Variants in CEP78 observed in about 807,000 individuals in gnomAD.
CEP78 encodes the protein centrosomal protein 78.
A neutral mutation model predicts 81.2 loss-of-function variants in CEP78; 76 were observed. The observed-to-expected ratio is 0.94, with a 90% confidence interval of 0.78 to 1.13. The LOEUF (loss-of-function observed/expected upper bound fraction) is 1.13. Ranked by LOEUF, CEP78 falls within the 50% of genes most tolerant of loss-of-function variation. The probability of loss-of-function intolerance (pLI) is 0.00; values close to 1 mark genes in which losing one functional copy is unlikely to be tolerated. For synonymous variants in CEP78, 293 were observed against 301.4 expected, an observed-to-expected ratio of 0.97 and a Z score of 0.29; for missense variants, 918 against 846.8, an observed-to-expected ratio of 1.08 and a Z score of -1.04.
At chr9:78,255,523 C>G (rs1027332174) in intron 11 of CEP78, among the ~76,000 whole-genome samples, 3 of 152,106 alleles carry the variant, frequency 2.0e-5, no homozygotes, top group Non-Finnish European at 4.4e-5. Flanking sequence ...TGGCGAGGGC[C>G]TGCTTTCTGG....
At chr9:78,238,270 C>T (rs903818048) in intron 1 of CEP78, among the ~76,000 whole-genome samples, 2 of 152,160 alleles carry the variant, frequency 1.3e-5, no homozygotes, top group African/African-American at 2.4e-5. Context: ...CTTTCCATGA[C>T]ACAGCCGAGT....
chr9:78,261,026 C>T (rs891986303), intron 11 of CEP78, among the ~76,000 whole-genome samples: 1 of 152,084 alleles, frequency 6.6e-6, no homozygotes, highest in Admixed American at 6.5e-5. Context: ...TCTCAGCTCA[C>T]TGCAACCTCT....
At chr9:78,266,393 AT>A (rs753192805) in intron 15 of CEP78, 48 bp from the exon 16 acceptor site, 22 of 1,393,906 alleles carry the variant, frequency 1.6e-5, no homozygotes, top group Admixed American at 2.1e-5. Context: ...CGATTTTTAA[AT>A]GGATGGCTTT....
intron 16 of CEP78, among the ~76,000 whole-genome samples, chr9:78,267,952 T>C (rs1827603247): frequency 6.6e-6 from 1 of 152,142 alleles, no homozygotes; most frequent in Admixed American, 6.5e-5. Flanking sequence ...ACTACAATAC[T>C]ACTGAGTTCA....
chr9:78,258,697 G>T (rs1827145618), intron 11 of CEP78, among the ~76,000 whole-genome samples: 2 of 152,166 alleles, frequency 1.3e-5, no homozygotes. Flanking sequence ...TTAAAAAGAA[G>T]AATGGTTGAC....
At chr9:78,259,633 A>G (rs2118406229) in intron 11 of CEP78, among the ~76,000 whole-genome samples, 1 of 152,088 alleles carries the variant, frequency 6.6e-6, no homozygotes, top group South Asian at 2.1e-4. Context: ...TACACCAGGC[A>G]CTCTTCTCAG....
At chr9:78,267,664 G>C (rs1294292554) in intron 16 of CEP78, among the ~76,000 whole-genome samples, 3 of 152,172 alleles carry the variant, frequency 2.0e-5, no homozygotes, top group Non-Finnish European at 2.9e-5. Flanking sequence ...ACTGTTAAGA[G>C]AGGAACCACT....
At chr9:78,266,886 A>G in intron 16 of CEP78, 183 bp downstream of exon 16, 1 of 1,434,868 alleles carries the variant, frequency 7.0e-7, no homozygotes, top group Non-Finnish European at 9.1e-7. Context: ...TAGAATAGTG[A>G]CTGTTTCATC....
At position 78,251,976 on chromosome 9, in the gene CEP78, G is replaced by T. The variant is rs182745565; in HGVS notation, c.1138G>T (p.Ala380Ser). The change falls in exon 9 of 17, where the codon GCA becomes TCA. Residue 380 changes from alanine to serine, a missense_variant. Ala to Ser is a moderately conservative substitution (Grantham distance 99). Coordinates refer to ENST00000643273, the MANE Select transcript of CEP78 (RefSeq NM_001330691.3). ...CCTTGGTAAAGAATATTATGCGCCC[G>T]CACCTCTTCCACCTGGTGTGTCTGG... Reference protein sequence around the residue: ...HSLGKEYYAPAPLPPGVSGFL... With the variant: ...HSLGKEYYAPSPLPPGVSGFL... The T allele has an allele frequency of 1.8e-5, 29 of 1,607,356 alleles. No individual in the cohort carries two copies. In the African/African-American group the frequency reaches 3.1e-4, roughly 17 times the overall value.
chr9:78,260,746 G>T (rs1366701554), intron 11 of CEP78, among the ~76,000 whole-genome samples: 1 of 150,586 alleles, frequency 6.6e-6, no homozygotes, highest in Non-Finnish European at 1.5e-5. Flanking sequence ...TGAGTTCTCT[G>T]ATTCAGTGTT....
Position 78,265,538 on chromosome 9 carries a change from A to T in CEP78, c.1792A>T (p.Ile598Phe). Residue 598 changes from isoleucine (I) to phenylalanine (F), a missense_variant, in exon 14 of 17, where the codon ATC becomes TTC. Ile to Phe is a conservative substitution (Grantham distance 21, BLOSUM62 0). Transcript: ENST00000643273. ...KQNALGQMQN[I>F]QVSICMQSAY... ...GAATGCCCTAGGGCAAATGCAAAAT[A>T]TCCAGGTAAATGAATAGAACAGAAC... 6.4e-7 allele frequency: 1 copy of T among 1,563,240 alleles called. No homozygotes were observed. Among genetic ancestry groups the T allele is most frequent in the Non-Finnish European group, 8.7e-7 (1 of 1,153,756 alleles).
At chr9:78,248,110 A>G (rs1224309090) in intron 6 of CEP78, among the ~76,000 whole-genome samples, 181 bp from the exon 7 acceptor site, 1 of 152,190 alleles carries the variant, frequency 6.6e-6, no homozygotes, top group Non-Finnish European at 1.5e-5. Flanking sequence ...GTGTAGGAAT[A>G]CTTTGTTTTT....
chr9:78,259,475 A>G (rs1031444288), intron 11 of CEP78, among the ~76,000 whole-genome samples: 4 of 152,180 alleles, frequency 2.6e-5, no homozygotes, highest in African/African-American at 9.7e-5. Context: ...TATGTATAGC[A>G]TATTTTGTGA....
In CEP78 at chr9:78,246,796, A is replaced by G. The variant is rs754854216; in HGVS notation, c.892+14A>G. 2.1e-5 allele frequency: 30 copies of G among 1,395,952 alleles called. No homozygotes were observed. Among genetic ancestry groups the G allele is most frequent in the East Asian group, 2.1e-4 (9 of 42,752 alleles). The allele number at this position is 1,395,952 out of a possible 1,614,324, so 86.5% of individuals were successfully genotyped here. A position where few individuals can be genotyped will look rare whatever the true frequency, so the allele number is the denominator to read the frequency against. ...ATCCACTCATTGGTATGTCGCTACA[A>G]TATTTTTTATTGACTAACAAATAGC... is the stretch of plus-strand genomic sequence containing the variant. On this transcript the variant is annotated intron_variant, in intron 6 of 16. Coordinates refer to ENST00000643273, the MANE Select transcript of CEP78 (RefSeq NM_001330691.3).
chr9:78,251,657 T>A (rs185898747), intron 8 of CEP78, among the ~76,000 whole-genome samples: 179 of 151,940 alleles, frequency 1.2e-3, no homozygotes, highest in African/African-American at 4.2e-3. Flanking sequence ...GTTAAAGTGA[T>A]AACTTGTTAC....
At chr9:78,237,271 G>C (rs1184425015) in intron 1 of CEP78, among the ~76,000 whole-genome samples, 3 of 151,910 alleles carry the variant, frequency 2.0e-5, no homozygotes, top group Non-Finnish European at 4.4e-5. Flanking sequence ...ATGAGCCACC[G>C]CGCCCGGCCT....
intron 16 of CEP78, 82 bp from the exon 17 acceptor site, chr9:78,270,759 T>G: frequency 1.6e-6 from 1 of 625,314 alleles, no homozygotes. Flanking sequence ...AGGAGATGAT[T>G]GGTTTTTTGA....
At chr9:78,260,519 A>G (rs1827225186) in intron 11 of CEP78, among the ~76,000 whole-genome samples, 1 of 152,082 alleles carries the variant, frequency 6.6e-6, no homozygotes, top group African/African-American at 2.4e-5. Context: ...CATCCTGGCT[A>G]ACATGGTGAA....
chr9:78,236,722 C>A (rs1217300717), intron 1 of CEP78, 119 bp downstream of exon 1: 4 of 1,338,416 alleles, frequency 3.0e-6, no homozygotes, highest in African/African-American at 1.5e-5. Flanking sequence ...TGGACACTCA[C>A]GAGCTAGGTG....
Sources: allele counts gnomAD v4.1 joint callset (sites outside exome capture counted in the v4.1 genomes callset), GRCh38; gene constraint gnomAD v4.1.1; transcripts MANE v1.5; gene names NCBI Gene and HGNC (gene_info 2026-07-23, HGNC 2026-07-21).